The following NUP54 variants were observed in gnomAD, a reference collection of about 807,000 sequenced individuals.
The protein encoded by NUP54 is nucleoporin 54.
In NUP54, 27 loss-of-function variants were observed where a neutral mutation model predicts 66.4. The observed-to-expected ratio is 0.41, with a 90% CI of 0.30 to 0.56. NUP54 has a LOEUF of 0.56. Among genes scored for constraint, NUP54 ranks in the 20% least tolerant of loss-of-function variants. NUP54 has a pLI of 0.34. For missense variants in NUP54, 486 were observed against 596.3 expected, an observed-to-expected ratio of 0.82 and a Z score of 1.93; for synonymous variants, 206 against 210.7, an observed-to-expected ratio of 0.98 and a Z score of 0.19.
At chr4:76,123,761 A>C (rs951367208) in intron 9 of NUP54, among the ~76,000 whole-genome samples, 1 of 151,908 alleles carries the variant, frequency 6.6e-6, no homozygotes, top group Non-Finnish European at 1.5e-5. Flanking sequence ...CAATCCACTC[A>C]CCTCGGCCTC....
Position 76,136,216 on chromosome 4 carries a change from G to C in NUP54, c.492C>G (p.Phe164Leu). The change falls in exon 4 of 12, where the codon TTC (phenylalanine) becomes TTG (leucine). Residue 164 changes from phenylalanine (F) to leucine (L), a missense_variant. Coordinates refer to ENST00000264883, the MANE Select transcript of NUP54 (RefSeq NM_017426.4). ...ATCGGCAAAAGGGATTTTCTTGTGT[G>C]AATTCCACTGGCGGAATATTATTGT... ...YFNNNIPPVE[F>L]TQENPFCRFK... 6.2e-7 allele frequency: 1 copy of C among 1,613,726 alleles called. No individual in the cohort carries two copies. The highest frequency in any genetic ancestry group is 8.5e-7 in the Non-Finnish European group (1 of 1,179,666).
In NUP54 at chr4:76,115,291, C is replaced by T. The variant is rs2109845809; in HGVS notation, c.*75G>A. On this transcript the variant is annotated 3_prime_UTR_variant, in exon 12 of 12. Transcript: ENST00000264883. ...TGTTTTCTTTTTCCCTCCATGTGGT[C>T]GGTTTCATTCTTAAGGAAGGTCTGA... 2 of 1,286,608 alleles carry T rather than the reference C, an allele frequency of 1.6e-6. No individual in the cohort carries two copies. Among genetic ancestry groups the T allele is most frequent in the South Asian group, 4.3e-5 (2 of 46,072 alleles). 79.7% of individuals were successfully genotyped at this position (1,286,608 alleles called of 1,614,324 possible).
intron 10 of NUP54, 95 bp downstream of exon 10, chr4:76,117,980 C>T: frequency 7.7e-7 from 1 of 1,295,720 alleles, no homozygotes; most frequent in Non-Finnish European, 1.1e-6. Context: ...ATAAGAAACA[C>T]AAGTATACAA....
chr4:76,128,229 G>A (rs1730626384), intron 8 of NUP54, among the ~76,000 whole-genome samples: 1 of 152,034 alleles, frequency 6.6e-6, no homozygotes, highest in Non-Finnish European at 1.5e-5. Flanking sequence ...TGCAGAATGT[G>A]TGCAGCATCT....
chr4:76,142,613 G>A (rs951040325), intron 3 of NUP54, among the ~76,000 whole-genome samples: 1 of 152,114 alleles, frequency 6.6e-6, no homozygotes, highest in African/African-American at 2.4e-5. Context: ...ATTTCACAGG[G>A]TTCTTGTGAG....
At chr4:76,138,061 T>C (rs1002834330) in intron 3 of NUP54, among the ~76,000 whole-genome samples, 7 of 152,330 alleles carry the variant, frequency 4.6e-5, no homozygotes, top group East Asian at 3.9e-4. Flanking sequence ...GCTCTAAACA[T>C]TGAAAGTACC....
chr4:76,132,109 C>T (rs1425717892), intron 6 of NUP54, among the ~76,000 whole-genome samples: 3 of 151,524 alleles, frequency 2.0e-5, no homozygotes, highest in Admixed American at 1.3e-4. Flanking sequence ...TAGTTACTTC[C>T]GGGGAAAGGA....
chr4:76,128,216 C>T (rs1275326561), intron 8 of NUP54, among the ~76,000 whole-genome samples: 2 of 151,974 alleles, frequency 1.3e-5, no homozygotes. Flanking sequence ...CTGTTCTGTA[C>T]ACTGCAGAAT....
At chr4:76,148,178 T>C (rs919675187) in intron 1 of NUP54, 130 bp downstream of exon 1, 6 of 763,312 alleles carry the variant, frequency 7.9e-6, no homozygotes, top group African/African-American at 1.8e-5. Flanking sequence ...CGCCCGCCCT[T>C]TTCCAATGCC....
chr4:76,129,910 T>G (rs1730717391), intron 8 of NUP54, among the ~76,000 whole-genome samples: 1 of 143,372 alleles, frequency 7.0e-6, no homozygotes, highest in Non-Finnish European at 1.5e-5. Flanking sequence ...TTAAAAGAAT[T>G]GAAATCATAG....
At chr4:76,139,799 G>A (rs975371404) in intron 3 of NUP54, among the ~76,000 whole-genome samples, 2 of 152,154 alleles carry the variant, frequency 1.3e-5, no homozygotes, top group African/African-American at 2.4e-5. Context: ...AAAGGAAAAA[G>A]GAGATGGACA....
Position 76,148,375 on chromosome 4 carries a change from G to C in NUP54, c.-1C>G. 6.5e-7 allele frequency: 1 copy of C among 1,541,232 alleles called. No homozygotes were observed. The highest frequency in any genetic ancestry group is 8.7e-7 in the Non-Finnish European group (1 of 1,145,066). On this transcript the variant is annotated 5_prime_UTR_variant, in exon 1 of 12. Coordinates refer to ENST00000264883, the MANE Select transcript of NUP54 (RefSeq NM_017426.4). Reference sequence around the variant, plus strand: ...AGGGAGCCCCAAAATTGAAGGCCATGTCGCGAAAGCAGGAGACCAAGTAGG... The same window carrying C: ...AGGGAGCCCCAAAATTGAAGGCCATCTCGCGAAAGCAGGAGACCAAGTAGG...
chr4:76,118,921 C>T (rs1046244895), intron 9 of NUP54, among the ~76,000 whole-genome samples: 1 of 151,536 alleles, frequency 6.6e-6, no homozygotes, highest in Non-Finnish European at 1.5e-5. Context: ...AGGAGAATGG[C>T]GGAAAACCCG....
At position 76,132,549 on chromosome 4, in the gene NUP54, T is replaced by C; in HGVS notation, c.881A>G (p.Lys294Arg). 1.2e-6 allele frequency: 2 copies of C among 1,604,294 alleles called. No individual in the cohort carries two copies. Among genetic ancestry groups the C allele is most frequent in the African/African-American group, 1.3e-5 (1 of 74,588 alleles). ...AGCAGGAGGATTCTGTAAAAGCTGT[T>C]TGATCTGTGCAGGAGAAAGTTCTGT... ...TRTELSPAQI[K>R]QLLQNPPAGV... Residue 294 changes from lysine (K) to arginine (R), a missense_variant, in exon 6 of 12, where the codon AAA becomes AGA. Coordinates refer to ENST00000264883, the MANE Select transcript of NUP54 (RefSeq NM_017426.4).
intron 8 of NUP54, among the ~76,000 whole-genome samples, chr4:76,127,419 G>A (rs959087064): frequency 4.6e-5 from 5 of 108,380 alleles, no homozygotes; most frequent in Non-Finnish European, 6.7e-5. Context: ...GCGACAGAAC[G>A]AGACCCCCAT....
intron 1 of NUP54, among the ~76,000 whole-genome samples, chr4:76,145,115 G>A (rs897700319): frequency 1.1e-4 from 17 of 151,786 alleles, no homozygotes; most frequent in African/African-American, 3.6e-4. Flanking sequence ...TCAGGAGATC[G>A]AGACCATCCT....
chr4:76,125,865 G>GGAGA lies in NUP54; in HGVS notation c.1057-1113_1057-1110dup, dbSNP rs72044977. Among the ~76,000 whole-genome samples the GGAGA allele has an allele frequency of 2.2e-3, 201 of 90,118 alleles. 6 individuals are homozygous for GGAGA. Among genetic ancestry groups the GGAGA allele is most frequent in the African/African-American group, 8.4e-3 (182 of 21,666 alleles). 59.1% of individuals were successfully genotyped at this position (90,118 alleles called of 152,430 possible). A position where few individuals can be genotyped will look rare whatever the true frequency, so the allele number is the denominator to read the frequency against. On this transcript the variant is annotated intron_variant, in intron 8 of 11. Coordinates refer to ENST00000264883, the MANE Select transcript of NUP54 (RefSeq NM_017426.4). ...GAGAGGGAGAGAGGGGGAGGGGGAG[G>GGAGA]GAGAGAGAGAGACAGAGAGAGAGGG...
chr4:76,134,964 G>A (rs1320902162), intron 4 of NUP54, among the ~76,000 whole-genome samples: 3 of 152,046 alleles, frequency 2.0e-5, no homozygotes, highest in Non-Finnish European at 4.4e-5. Flanking sequence ...GGTAGGTTAG[G>A]TGTATTAAAT....
chr4:76,118,661 GC>G, intron 9 of NUP54, among the ~76,000 whole-genome samples: 1 of 150,090 alleles, frequency 6.7e-6, no homozygotes, highest in South Asian at 2.1e-4. Flanking sequence ...CTCCCAGAGT[GC>G]TGGGTTTACA....
Sources: gnomAD v4.1 joint callset for allele counts (sites outside exome capture counted in the v4.1 genomes callset) on GRCh38, gnomAD v4.1.1 for gene constraint, MANE v1.5 for transcripts, NCBI Gene and HGNC (gene_info 2026-07-23, HGNC 2026-07-21) for gene names.